The following MYBPC1 variants were observed in gnomAD, a reference collection of about 807,000 sequenced individuals.
MYBPC1 encodes the protein myosin-binding protein C, slow-type.
A neutral mutation model predicts 147.1 loss-of-function variants in MYBPC1; 52 were observed. That is an observed-to-expected ratio of 0.35 (90% CI 0.28 to 0.45). The LOEUF is 0.45. Ranked by LOEUF, MYBPC1 falls within the 20% of genes least tolerant of loss-of-function variation. The pLI is 1.00. For synonymous variants in MYBPC1, 477 were observed against 475.9 expected, an observed-to-expected ratio of 1.00 and a Z score of -0.03; for missense variants, 1,228 against 1,440.3, an observed-to-expected ratio of 0.85 and a Z score of 2.39.
At chr12:101,601,039 A>G (rs946778004) in intron 1 of MYBPC1, among the ~76,000 whole-genome samples, 1 of 152,242 alleles carries the variant, frequency 6.6e-6, no homozygotes, top group African/African-American at 2.4e-5. Context: ...ATACACAGAA[A>G]GGTAGTAGCT....
chr12:101,673,212 A>G (rs940784277), intron 24 of MYBPC1, among the ~76,000 whole-genome samples: 3 of 152,230 alleles, frequency 2.0e-5, no homozygotes, highest in African/African-American at 7.2e-5. Context: ...GTGAAGATTA[A>G]GGAAAATAAT....
chr12:101,614,396 TGA>T, intron 1 of MYBPC1, 98 bp from the exon 2 acceptor site: 1 of 1,299,168 alleles, frequency 7.7e-7, no homozygotes, highest in Non-Finnish European at 1.1e-6. Context: ...TACACACAGG[TGA>T]GATGGCTGCC....
chr12:101,650,362 C>T (rs825049), intron 15 of MYBPC1, among the ~76,000 whole-genome samples: 86,804 of 151,780 alleles, frequency 0.57, 25,660 homozygotes, highest in African/African-American at 0.72. Context: ...ACTGGGTAAT[C>T]TATAAAGGAA....
At chr12:101,669,293 C>CA (rs1395422136) in intron 23 of MYBPC1, among the ~76,000 whole-genome samples, 3 of 152,174 alleles carry the variant, frequency 2.0e-5, no homozygotes, top group African/African-American at 7.2e-5. Context: ...ACAGAAGCTC[C>CA]ACTTTTACTT....
At position 101,603,280 on chromosome 12, in the gene MYBPC1, G is replaced by A. The variant is rs529295884; in HGVS notation, c.25+8185G>A. Among the ~76,000 whole-genome samples the A allele has an allele frequency of 2.0e-5, 3 of 152,112 alleles. No individual in the cohort carries two copies. The South Asian group carries it at 6.2e-4, about 32-fold the overall frequency. ...AATCACTTGAACCTGGGAGAACGGAGGTTGTGGTGAGCCAAGATCGCGCCA... is the reference window on the plus strand; with the variant it reads ...AATCACTTGAACCTGGGAGAACGGAAGTTGTGGTGAGCCAAGATCGCGCCA... On this transcript the variant is annotated intron_variant, in intron 1 of 31. Coordinates refer to ENST00000361466, the MANE Select transcript of MYBPC1 (RefSeq NM_002465.4).
At position 101,676,282 on chromosome 12, in the gene MYBPC1, G is replaced by A. The variant is rs115045764; in HGVS notation, c.2949+851G>A. ...AAACTGAGGCTTGCAGAGGATAAAT[G>A]ACTTGCTAAAGATCACCAGATTTTC... On this transcript the variant is annotated intron_variant, in intron 26 of 31. Transcript: ENST00000361466. Among the ~76,000 whole-genome samples the A allele has an allele frequency of 7.4e-3, 1,130 of 152,180 alleles. 18 individuals are homozygous for A. The highest frequency in any genetic ancestry group is 0.026 in the African/African-American group (1,089 of 41,522).
chr12:101,612,548 C>A (rs1433493873), intron 1 of MYBPC1, among the ~76,000 whole-genome samples: 1 of 152,028 alleles, frequency 6.6e-6, no homozygotes, highest in Non-Finnish European at 1.5e-5. Context: ...TAGACCTAAC[C>A]AAATAATAAT....
At chr12:101,611,829 A>T (rs1884389836) in intron 1 of MYBPC1, among the ~76,000 whole-genome samples, 1 of 152,228 alleles carries the variant, frequency 6.6e-6, no homozygotes, top group Non-Finnish European at 1.5e-5. Flanking sequence ...CTGTAATCCC[A>T]GCATTTTGGG....
intron 18 of MYBPC1, among the ~76,000 whole-genome samples, chr12:101,655,409 T>C (rs1331021694): frequency 1.3e-5 from 2 of 152,052 alleles, no homozygotes; most frequent in African/African-American, 2.4e-5. Context: ...GACATAGCAA[T>C]AGAAATGATC....
chr12:101,632,950 G>C lies in MYBPC1; in HGVS notation c.556+812G>C, dbSNP rs372975036. Reference sequence around the variant, plus strand: ...GGATTTCGCCATATTAGCCAGCCTAGTCTCAAACTCCAGGCCTCAAGTGAT... The same window carrying C: ...GGATTTCGCCATATTAGCCAGCCTACTCTCAAACTCCAGGCCTCAAGTGAT... On this transcript the variant is annotated intron_variant, in intron 8 of 31. Coordinates refer to ENST00000361466, the MANE Select transcript of MYBPC1 (RefSeq NM_002465.4). Among the ~76,000 whole-genome samples the C allele has an allele frequency of 2.2e-4, 34 of 152,256 alleles. No homozygotes were observed. The South Asian group carries it at 5.2e-3, about 23-fold the overall frequency.
intron 1 of MYBPC1, among the ~76,000 whole-genome samples, chr12:101,603,969 A>G (rs75828649): frequency 0.019 from 2,819 of 152,240 alleles, 86 homozygotes; most frequent in African/African-American, 0.065. Flanking sequence ...CAAGATCCCC[A>G]AAAAAGACAC....
chr12:101,620,262 C>T (rs1332725532), intron 3 of MYBPC1, among the ~76,000 whole-genome samples: 1 of 152,182 alleles, frequency 6.6e-6, no homozygotes, highest in Non-Finnish European at 1.5e-5. Flanking sequence ...ATACAAATAA[C>T]GCTGTCCTGG....
Position 101,610,785 on chromosome 12 carries a change from G to A in MYBPC1, c.26-3711G>A, listed in dbSNP as rs575932191. ...TCAGTGGGGAAAATGGTGTAATTGC[G>A]CTGAGAAGTCCACCAGTCCTCCTCT... is the stretch of plus-strand genomic sequence containing the variant. On this transcript the variant is annotated intron_variant, in intron 1 of 31. Coordinates refer to ENST00000361466, the MANE Select transcript of MYBPC1 (RefSeq NM_002465.4). Among the ~76,000 whole-genome samples the A allele has an allele frequency of 9.9e-5, 15 of 152,226 alleles. No individual in the cohort carries two copies. The South Asian group carries it at 1.0e-3, about 11-fold the overall frequency.
the MYBPC1 span, among the ~76,000 whole-genome samples, chr12:101,691,853 T>C: frequency 1.5e-3 from 222 of 152,332 alleles, no homozygotes; most frequent in African/African-American, 5.2e-3. Flanking sequence ...AGGCTTGGTC[T>C]GACACTCTAT....
intron 22 of MYBPC1, chr12:101,664,765 A>T (rs1250237538): frequency 2.0e-5 from 3 of 152,250 alleles, no homozygotes; most frequent in African/African-American, 7.2e-5. Context: ...TTTCTCCAGG[A>T]TTTAAAAAGC....
At position 101,670,123 on chromosome 12, in the gene MYBPC1, C is replaced by CCACACACACA. The variant is rs58177042; in HGVS notation, c.2525-175_2525-166dup. Among the ~76,000 whole-genome samples the CCACACACACA allele has an allele frequency of 0.021, 3,005 of 146,276 alleles. 39 individuals carry two copies. Among genetic ancestry groups the CCACACACACA allele is most frequent in the African/African-American group, 0.033 (1,328 of 39,662 alleles). ...CTGTTAAAACATCTCTGTGTGGAAA[C>CCACACACACA]CACACACACACACACACACACACAC... On this transcript the variant is annotated intron_variant, in intron 23 of 31. Coordinates refer to ENST00000361466, the MANE Select transcript of MYBPC1 (RefSeq NM_002465.4).
chr12:101,685,780 T>G lies in MYBPC1; in HGVS notation c.*218T>G. ...TGTTTTCCCACCAGGCCCCCAAGTG[T>G]GGTCTTTTTCTTTCCTCCTAATGTT... On this transcript the variant is annotated 3_prime_UTR_variant, in exon 32 of 32. Transcript: ENST00000361466. The G allele has an allele frequency of 1.2e-6, 1 of 817,162 alleles. No individual in the cohort carries two copies. Among genetic ancestry groups the G allele is most frequent in the Non-Finnish European group, 1.8e-6 (1 of 552,280 alleles). 50.6% of individuals were successfully genotyped at this position (817,162 alleles called of 1,614,324 possible). A position where few individuals can be genotyped will look rare whatever the true frequency, so the allele number is the denominator to read the frequency against.
chr12:101,685,794 C>T lies in MYBPC1; in HGVS notation c.*232C>T, dbSNP rs529734826. 3.3e-4 allele frequency: 235 copies of T among 712,366 alleles called. 1 individual carries two copies. The African/African-American group carries it at 4.2e-3, about 13-fold the overall frequency. The allele number at this position is 712,366 out of a possible 1,614,324, so 44.1% of individuals were successfully genotyped here. A position where few individuals can be genotyped will look rare whatever the true frequency, so the allele number is the denominator to read the frequency against. ...GCCCCCAAGTGTGGTCTTTTTCTTT[C>T]CTCCTAATGTTGAAGAGAAAAAAAA... On this transcript the variant is annotated 3_prime_UTR_variant, in exon 32 of 32. Coordinates refer to ENST00000361466, the MANE Select transcript of MYBPC1 (RefSeq NM_002465.4).
At chr12:101,659,892 A>G in intron 19 of MYBPC1, 61 bp downstream of exon 19, 1 of 1,588,692 alleles carries the variant, frequency 6.3e-7, no homozygotes, top group Non-Finnish European at 8.6e-7. Flanking sequence ...TTCAGAGTAG[A>G]CTTTCCTTCT....
Sources: gnomAD v4.1 joint callset for allele counts (sites outside exome capture counted in the v4.1 genomes callset) on GRCh38, gnomAD v4.1.1 for gene constraint, MANE v1.5 for transcripts, NCBI Gene and HGNC (gene_info 2026-07-23, HGNC 2026-07-21) for gene names.